Variants in TRPC4 observed in about 807,000 individuals in gnomAD.
The protein encoded by TRPC4 is transient receptor potential cation channel subfamily C member 4.
Under a neutral mutation model 99.4 loss-of-function variants are expected in TRPC4, and 49 were observed. That is an observed-to-expected ratio of 0.49 (90% CI 0.39 to 0.63). The LOEUF (loss-of-function observed/expected upper bound fraction) is 0.63. Among genes scored for constraint, TRPC4 ranks in the 20% least tolerant of loss-of-function variants. The probability of loss-of-function intolerance (pLI) is 0.00; values close to 1 mark genes in which losing one functional copy is unlikely to be tolerated. For missense variants in TRPC4, 898 were observed against 1,152.9 expected, an observed-to-expected ratio of 0.78 and a Z score of 3.20; for synonymous variants, 454 against 425.9, an observed-to-expected ratio of 1.07 and a Z score of -0.81.
intron 2 of TRPC4, 152 bp from the exon 3 acceptor site, chr13:37,746,607 A>G (rs146293465): frequency 3.4e-4 from 267 of 779,328 alleles, no homozygotes; most frequent in Non-Finnish European, 1.3e-5. Context: ...CTTTTCCCCT[A>G]CAAAAAGACC....
chr13:37,710,511 A>G (rs1954448356), intron 3 of TRPC4, among the ~76,000 whole-genome samples: 1 of 151,808 alleles, frequency 6.6e-6, no homozygotes, highest in Admixed American at 6.6e-5. Flanking sequence ...TCTCATTCCT[A>G]TTTTTCAGCT....
At chr13:37,738,563 G>A (rs1344326004) in intron 3 of TRPC4, among the ~76,000 whole-genome samples, 3 of 152,198 alleles carry the variant, frequency 2.0e-5, no homozygotes, top group African/African-American at 7.2e-5. Flanking sequence ...CATCCCAGAT[G>A]TTCTGATTTA....
chr13:37,793,699 C>T (rs903519244), intron 1 of TRPC4, among the ~76,000 whole-genome samples: 3 of 151,954 alleles, frequency 2.0e-5, no homozygotes, highest in Non-Finnish European at 4.4e-5. Flanking sequence ...TTATTGTGTG[C>T]CATGTGATCA....
Position 37,746,014 on chromosome 13 carries a change from C to T in TRPC4, c.820G>A (p.Asp274Asn). The T allele has an allele frequency of 6.2e-7, 1 of 1,613,840 alleles. No homozygotes were observed. Reference protein sequence around the residue: ...ELEIILNYRDDNSLIEEQSGN... With the variant: ...ELEIILNYRDNNSLIEEQSGN... ...CTTTGTTCTTCTATGAGACTATTGT[C>T]ATCTCGGTAATTAAGAATGATTTCC... The change falls in exon 3 of 11, where the codon GAC becomes AAC. Residue 274 changes from aspartate to asparagine, a missense_variant. By Grantham distance (23) the Asp-to-Asn change is conservative (BLOSUM62 1). This residue lies in a region of TRPC4 where 278 missense variants were observed against 346.6 expected (regional missense o/e 0.80). Transcript: ENST00000379705.
intron 1 of TRPC4, among the ~76,000 whole-genome samples, chr13:37,790,266 A>T (rs1382544599): frequency 6.6e-6 from 1 of 152,160 alleles, no homozygotes; most frequent in Non-Finnish European, 1.5e-5. Context: ...TAATAGTTAT[A>T]AAAAGATGCA....
At chr13:37,677,434 C>T (rs1037667156) in intron 4 of TRPC4, among the ~76,000 whole-genome samples, 8 of 151,810 alleles carry the variant, frequency 5.3e-5, no homozygotes, top group Non-Finnish European at 1.2e-4. Flanking sequence ...AACTCTATCA[C>T]AATTCATCCA....
chr13:37,737,689 G>C (rs1955443750), intron 3 of TRPC4, among the ~76,000 whole-genome samples: 1 of 152,014 alleles, frequency 6.6e-6, no homozygotes, highest in Admixed American at 6.6e-5. Flanking sequence ...GCCCAAGCTG[G>C]TCTCCAACTC....
intron 10 of TRPC4, among the ~76,000 whole-genome samples, chr13:37,638,310 G>A (rs1337713778): frequency 6.6e-6 from 1 of 152,062 alleles, no homozygotes; most frequent in Non-Finnish European, 1.5e-5. Flanking sequence ...TGGCTGTGAA[G>A]AAAATCTGGG....
intron 1 of TRPC4, among the ~76,000 whole-genome samples, chr13:37,865,148 G>A (rs1346559292): frequency 6.6e-6 from 1 of 151,678 alleles, no homozygotes; most frequent in Non-Finnish European, 1.5e-5. Flanking sequence ...GCTAATCGAT[G>A]TCTTTTGGGA....
In TRPC4 at chr13:37,675,123, G is replaced by A. The variant is rs145238463; in HGVS notation, c.1235-756C>T. Reference sequence around the variant, plus strand: ...TGATGTCATAACTACATTAACACAAGCAAACAGTGAGAATTTTTTAGGATA... The same window carrying A: ...TGATGTCATAACTACATTAACACAAACAAACAGTGAGAATTTTTTAGGATA... On this transcript the variant is annotated intron_variant, in intron 4 of 10. Transcript: ENST00000379705. Among the ~76,000 whole-genome samples, 164 of 152,172 alleles carry A rather than the reference G, an allele frequency of 1.1e-3. 1 individual carries two copies. Among genetic ancestry groups the A allele is most frequent in the African/African-American group, 3.4e-3 (142 of 41,528 alleles).
chr13:37,831,469 A>T (rs116679250), intron 1 of TRPC4, among the ~76,000 whole-genome samples: 1 of 152,202 alleles, frequency 6.6e-6, no homozygotes, highest in African/African-American at 2.4e-5. Flanking sequence ...TTTGGAATAT[A>T]GTATGGAGGT....
At chr13:37,657,748 T>C (rs1369297860) in intron 6 of TRPC4, among the ~76,000 whole-genome samples, 1 of 152,196 alleles carries the variant, frequency 6.6e-6, no homozygotes, top group East Asian at 1.9e-4. Flanking sequence ...ACATAGTAAC[T>C]ACTAATTTTA....
At chr13:37,718,800 G>A (rs12583718) in intron 3 of TRPC4, among the ~76,000 whole-genome samples, 1 of 151,892 alleles carries the variant, frequency 6.6e-6, no homozygotes, top group African/African-American at 2.4e-5. Context: ...AATATCAAAA[G>A]GTGTATTTGA....
chr13:37,767,743 T>A (rs1168138034), intron 2 of TRPC4, among the ~76,000 whole-genome samples: 1 of 151,416 alleles, frequency 6.6e-6, no homozygotes, highest in African/African-American at 2.4e-5. Context: ...GATTTTACTT[T>A]CATGAATAAT....
intron 1 of TRPC4, among the ~76,000 whole-genome samples, chr13:37,794,203 G>A (rs1447186379): frequency 1.0e-5 from 1 of 99,194 alleles, no homozygotes; most frequent in East Asian, 2.8e-4. Flanking sequence ...TGGGTAATTG[G>A]TGGTTTTTTT....
rs558451865 is a variant in TRPC4, at chr13:37,849,272, C to A, written c.-28+20323G>T. Among the ~76,000 whole-genome samples the A allele has an allele frequency of 2.6e-5, 4 of 151,886 alleles. No individual in the cohort carries two copies. The East Asian group carries it at 7.7e-4, about 29-fold the overall frequency. ...ATCTATACCATCAAATACTACTGAGCAATAAACAATAATAAGTTATTGATA... is the reference window on the plus strand; with the variant it reads ...ATCTATACCATCAAATACTACTGAGAAATAAACAATAATAAGTTATTGATA... On this transcript the variant is annotated intron_variant, in intron 1 of 10. Transcript: ENST00000379705.
At chr13:37,757,372 CA>C (rs1956123116) in intron 2 of TRPC4, among the ~76,000 whole-genome samples, 1 of 151,980 alleles carries the variant, frequency 6.6e-6, no homozygotes, top group Non-Finnish European at 1.5e-5. Flanking sequence ...AGTTCACAGA[CA>C]TCTTTGAATT....
At chr13:37,716,989 C>T (rs1031052927) in intron 3 of TRPC4, among the ~76,000 whole-genome samples, 1 of 151,958 alleles carries the variant, frequency 6.6e-6, no homozygotes, top group Non-Finnish European at 1.5e-5. Flanking sequence ...TAACCAAACG[C>T]ACACTCTTTG....
chr13:37,838,139 T>G (rs1342425109), intron 1 of TRPC4, among the ~76,000 whole-genome samples: 1 of 152,194 alleles, frequency 6.6e-6, no homozygotes, highest in Non-Finnish European at 1.5e-5. Flanking sequence ...GTCTCAGATA[T>G]GTCTTTACCA....
Sources: gnomAD v4.1 joint callset for allele counts (sites outside exome capture counted in the v4.1 genomes callset) on GRCh38, gnomAD v4.1.1 for gene constraint, gnomAD v4.1.1 regional missense constraint, MANE v1.5 for transcripts, NCBI Gene and HGNC (gene_info 2026-07-23, HGNC 2026-07-21) for gene names.